The following APBA2 variants were observed in gnomAD, a reference collection of about 807,000 sequenced individuals.
APBA2 encodes amyloid beta precursor protein binding family A member 2.
Under a neutral mutation model 75.0 loss-of-function variants are expected in APBA2, and 30 were observed. The observed-to-expected ratio is 0.40, with a 90% CI of 0.30 to 0.54. The LOEUF is 0.54. Ranked by LOEUF, APBA2 falls within the 20% of genes least tolerant of loss-of-function variation. APBA2 has a pLI of 0.49. For missense variants in APBA2, 801 were observed against 1,016.1 expected (o/e 0.79, Z 2.88); for synonymous variants, 444 against 409.6 (o/e 1.08, Z -1.01).
At chr15:29,057,285 A>C (rs2041941808) in intron 4 of APBA2, among the ~76,000 whole-genome samples, 1 of 152,216 alleles carries the variant, frequency 6.6e-6, no homozygotes, top group African/African-American at 2.4e-5. Context: ...TTTCAACAAG[A>C]TGCCACATTC....
intron 2 of APBA2, among the ~76,000 whole-genome samples, chr15:28,927,614 G>A (rs2034341281): frequency 6.6e-6 from 1 of 150,578 alleles, no homozygotes; most frequent in African/African-American, 2.4e-5. Context: ...TTTTGTAGAG[G>A]TGGGACTTTG....
chr15:29,112,053 C>T (rs982014819), intron 13 of APBA2, among the ~76,000 whole-genome samples: 8 of 152,198 alleles, frequency 5.3e-5, no homozygotes, highest in African/African-American at 1.9e-4. Flanking sequence ...CCTCTCTGGG[C>T]ACCCCCATCC....
At chr15:29,074,775 A>G (rs2042774639) in intron 4 of APBA2, 146 bp from the exon 5 acceptor site, 1 of 696,228 alleles carries the variant, frequency 1.4e-6, no homozygotes, top group South Asian at 1.6e-5. Flanking sequence ...GTTTAAGTAT[A>G]ATTAAATAGA....
At chr15:28,938,127 C>T (rs1267643371) in intron 2 of APBA2, among the ~76,000 whole-genome samples, 1 of 152,168 alleles carries the variant, frequency 6.6e-6, no homozygotes, top group Non-Finnish European at 1.5e-5. Context: ...AAGCAACCAG[C>T]ACCCTTAGGA....
rs1296046804 is a variant in APBA2, at chr15:28,886,150, T to G, written c.-333T>G. On this transcript the variant is annotated 5_prime_UTR_variant, in exon 1 of 15. Transcript: ENST00000683413. Reference sequence around the variant, plus strand: ...CCGCTATTCGGGAAGCTATTCAGCTTCCCGGGCTCATTAGCAGTCGCGGTG... The same window carrying G: ...CCGCTATTCGGGAAGCTATTCAGCTGCCCGGGCTCATTAGCAGTCGCGGTG... 1 of 150,548 alleles carries G rather than the reference T, an allele frequency of 6.6e-6. No homozygotes were observed. The highest frequency in any genetic ancestry group is 6.6e-5 in the Admixed American group (1 of 15,130). The allele number at this position is 150,548 out of a possible 1,614,324, so 9.3% of individuals were successfully genotyped here.
chr15:28,919,909 C>T (rs528060125), intron 1 of APBA2, among the ~76,000 whole-genome samples: 72 of 152,306 alleles, frequency 4.7e-4, no homozygotes, highest in African/African-American at 1.7e-3. Context: ...GTGGCATGTT[C>T]TGTGGCAGCT....
intron 6 of APBA2, among the ~76,000 whole-genome samples, chr15:29,086,463 G>A (rs188703091): frequency 3.3e-4 from 50 of 152,300 alleles, no homozygotes; most frequent in Middle Eastern, 3.4e-3. Flanking sequence ...ATCAAATAAC[G>A]TCATGATTCC....
chr15:28,991,249 A>C lies in APBA2; in HGVS notation c.-94-4504A>C, dbSNP rs1476638845. Among the ~76,000 whole-genome samples the C allele has an allele frequency of 1.3e-5, 2 of 152,006 alleles. No homozygotes were observed. The highest frequency in any genetic ancestry group is 2.9e-5 in the Non-Finnish European group (2 of 67,984). The stretch of plus-strand genomic sequence containing the variant: ...ACAACTCCCTAAGCCCCACAGTAAA[A>C]ACGTCTCTCCTGGTCTGGGGGCGCA... On this transcript the variant is annotated intron_variant, in intron 2 of 14. Coordinates refer to ENST00000683413, the MANE Select transcript of APBA2 (RefSeq NM_001353788.2). This position sits in a 1 kb window ranked among gnomAD's most constrained non-coding sequence, Gnocchi z 4.7.
chr15:29,020,416 ATTTC>A (rs1338228862), intron 3 of APBA2, among the ~76,000 whole-genome samples: 1 of 151,612 alleles, frequency 6.6e-6, no homozygotes, highest in Non-Finnish European at 1.5e-5. Flanking sequence ...TATGAAACTT[ATTTC>A]TTTTTTAAAA....
intron 1 of APBA2, among the ~76,000 whole-genome samples, chr15:28,904,974 C>G (rs1481280821): frequency 2.6e-5 from 4 of 152,188 alleles, no homozygotes; most frequent in South Asian, 4.1e-4. Flanking sequence ...GGTTGGGGAC[C>G]AGAGCCCTGG....
At chr15:29,039,281 C>A (rs1385266544) in intron 3 of APBA2, among the ~76,000 whole-genome samples, 1 of 152,008 alleles carries the variant, frequency 6.6e-6, no homozygotes, top group Admixed American at 6.6e-5. Flanking sequence ...CTTATTACCA[C>A]AAAGACCTGG....
At chr15:28,966,921 T>C (rs1247018742) in intron 2 of APBA2, among the ~76,000 whole-genome samples, 1 of 152,178 alleles carries the variant, frequency 6.6e-6, no homozygotes, top group Non-Finnish European at 1.5e-5. Flanking sequence ...CTCACTACTT[T>C]TTAAATATAA....
At chr15:28,962,025 T>C (rs1458922445) in intron 2 of APBA2, among the ~76,000 whole-genome samples, 1 of 152,150 alleles carries the variant, frequency 6.6e-6, no homozygotes, top group Non-Finnish European at 1.5e-5. Flanking sequence ...GTTTTGAAGA[T>C]GATGAATTTG....
At chr15:29,022,746 T>C (rs915732760) in intron 3 of APBA2, among the ~76,000 whole-genome samples, 2 of 152,218 alleles carry the variant, frequency 1.3e-5, no homozygotes, top group African/African-American at 2.4e-5. Context: ...ATCTGAATTT[T>C]ATTATTCTCA....
intron 2 of APBA2, among the ~76,000 whole-genome samples, chr15:28,972,398 C>A (rs2037113721): frequency 6.6e-6 from 1 of 152,182 alleles, no homozygotes; most frequent in Admixed American, 6.5e-5. Flanking sequence ...AAGATTTATG[C>A]TCTAGGAAGA....
chr15:29,067,654 AAT>A (rs2042435219), intron 4 of APBA2, among the ~76,000 whole-genome samples: 1 of 152,176 alleles, frequency 6.6e-6, no homozygotes, highest in Admixed American at 6.5e-5. Context: ...TCCACCATCA[AAT>A]AACAGCTATT....
chr15:28,991,437 CCGGAGCTCACCTTG>C lies in APBA2; in HGVS notation c.-94-4315_-94-4302del, dbSNP rs1259368789. Among the ~76,000 whole-genome samples the C allele has an allele frequency of 2.6e-5, 4 of 152,142 alleles. No individual in the cohort carries two copies. The highest frequency in any genetic ancestry group is 9.7e-5 in the African/African-American group (4 of 41,398). On this transcript the variant is annotated intron_variant, in intron 2 of 14. Coordinates refer to ENST00000683413, the MANE Select transcript of APBA2 (RefSeq NM_001353788.2). The surrounding 1 kb of genome is among the most constrained non-coding windows in gnomAD (Gnocchi z 4.7). Reference sequence around the variant, plus strand: ...TCCTTGTGCCGGAGCTCACCTTGTGCCGGAGCTCACCTTGTGCCAGGTGTTGAGCTCTGCCAGCT... The same window carrying C: ...TCCTTGTGCCGGAGCTCACCTTGTGCTGCCAGGTGTTGAGCTCTGCCAGCT...
intron 2 of APBA2, among the ~76,000 whole-genome samples, chr15:28,971,036 A>AGT (rs1459792721): frequency 6.6e-6 from 1 of 152,214 alleles, no homozygotes; most frequent in Non-Finnish European, 1.5e-5. Context: ...ACACCAGGGC[A>AGT]GTAATCCGCA....
chr15:28,915,167 C>CCA (rs2033623126), intron 1 of APBA2, among the ~76,000 whole-genome samples: 26 of 121,932 alleles, frequency 2.1e-4, no homozygotes, highest in East Asian at 5.3e-4. Context: ...ACACCACACA[C>CCA]CACATACATA....
Sources: gnomAD v4.1 joint callset for allele counts (sites outside exome capture counted in the v4.1 genomes callset) on GRCh38, gnomAD v4.1.1 for gene constraint, Gnocchi (gnomAD v3.1) non-coding constraint, MANE v1.5 for transcripts, NCBI Gene and HGNC (gene_info 2026-07-23, HGNC 2026-07-21) for gene names.